Variants in STS observed in about 807,000 individuals in gnomAD.
The protein encoded by STS is steroid sulfatase, also known as steryl-sulfatase.
Under a neutral mutation model 26.8 loss-of-function variants are expected in STS, and 7 were observed. The ratio of observed to expected loss-of-function variants is 0.26; its 90% CI spans 0.15 to 0.49. The LOEUF (loss-of-function observed/expected upper bound fraction) is 0.49, where lower values mean the gene tolerates loss of function less well. Among genes scored for constraint, STS ranks in the 20% least tolerant of loss-of-function variants. STS has a pLI of 0.98. For missense variants in STS, 434 were observed against 465.6 expected (o/e 0.93, Z 0.63); for synonymous variants, 199 against 189.4 (o/e 1.05, Z -0.42).
chrX:7,278,851 A>C (rs1263721270), intron 7 of STS, among the ~76,000 whole-genome samples: 2 of 111,959 alleles, frequency 1.8e-5, no homozygotes, highest in African/African-American at 6.5e-5. Flanking sequence ...TTTTGGTCCC[A>C]TAAAGGTTGT....
intron 1 of STS, among the ~76,000 whole-genome samples, chrX:7,188,156 ATTGT>A (rs1302805308): frequency 1.8e-5 from 2 of 111,794 alleles, no homozygotes; most frequent in African/African-American, 6.5e-5. Context: ...ACTAGGTGCG[ATTGT>A]TTGAGTCAGC....
intron 7 of STS, 116 bp from the exon 8 acceptor site, chrX:7,304,930 T>C (rs1926140314): frequency 1.1e-6 from 1 of 893,863 alleles, no homozygotes; most frequent in African/African-American, 2.0e-5. Context: ...TAAACTCCAA[T>C]ATGTAAGAAC....
chrX:7,255,615 A>G (rs965076164), intron 3 of STS, among the ~76,000 whole-genome samples: 4 of 111,905 alleles, frequency 3.6e-5, no homozygotes, highest in Admixed American at 9.5e-5. Context: ...TTAGAGTCCC[A>G]TTATTTCTGA....
At chrX:7,215,042 C>CAT (rs1215029046) in intron 2 of STS, among the ~76,000 whole-genome samples, 4 of 80,435 alleles carry the variant, frequency 5.0e-5, no homozygotes, top group South Asian at 5.6e-4. Flanking sequence ...TATATATATA[C>CAT]ATATATATAC....
At chrX:7,333,043 A>G (rs1299531797) in intron 9 of STS, among the ~76,000 whole-genome samples, 2 of 112,033 alleles carry the variant, frequency 1.8e-5, no homozygotes, top group African/African-American at 6.5e-5. Context: ...GGGACATAGG[A>G]CCTCTTAAGC....
At chrX:7,197,737 C>T (rs761816780) in intron 2 of STS, among the ~76,000 whole-genome samples, 5 of 111,363 alleles carry the variant, frequency 4.5e-5, no homozygotes, top group African/African-American at 1.6e-4. Context: ...TTCCCTTAAC[C>T]GTAAACATCT....
At chrX:7,193,593 A>G (rs750260629) in intron 2 of STS, among the ~76,000 whole-genome samples, 9 of 111,598 alleles carry the variant, frequency 8.1e-5, no homozygotes, top group Non-Finnish European at 1.7e-4. Flanking sequence ...TTCATGATAA[A>G]CGAATACAGC....
At chrX:7,328,555 A>T (rs867356106) in intron 9 of STS, among the ~76,000 whole-genome samples, 14 of 87,204 alleles carry the variant, frequency 1.6e-4, no homozygotes, top group Admixed American at 2.6e-4. Context: ...TGCTGACCTC[A>T]TTTTTTTTTT....
At chrX:7,259,904 C>T in intron 6 of STS, 132 bp downstream of exon 6, 1 of 841,662 alleles carries the variant, frequency 1.2e-6, no homozygotes, top group South Asian at 2.2e-5. Flanking sequence ...GAGACAGAGT[C>T]TTGCTCTGTC....
At chrX:7,196,789 T>A (rs1933978791) in intron 2 of STS, among the ~76,000 whole-genome samples, 1 of 111,922 alleles carries the variant, frequency 8.9e-6, no homozygotes, top group Admixed American at 9.5e-5. Flanking sequence ...GTCATCTTCA[T>A]GTCTTAGGTA....
chrX:7,316,829 C>T (rs952538814), intron 8 of STS, among the ~76,000 whole-genome samples: 4 of 111,681 alleles, frequency 3.6e-5, no homozygotes, highest in East Asian at 2.8e-4. Flanking sequence ...AAACATTTCC[C>T]GTGAATTATC....
At chrX:7,215,021 TATTATATATGTATATATATAC>T (rs1921223909) in intron 2 of STS, among the ~76,000 whole-genome samples, 1 of 72,889 alleles carries the variant, frequency 1.4e-5, no homozygotes, top group Non-Finnish European at 2.7e-5. Context: ...TATATATATA[TATTATATATGTATATATATAC>T]ATATATATAC....
At chrX:7,171,997 C>T (rs932406603) in intron 1 of STS, among the ~76,000 whole-genome samples, 5 of 111,925 alleles carry the variant, frequency 4.5e-5, no homozygotes, top group Admixed American at 2.9e-4. Context: ...CCAAGTTGCG[C>T]GATCATCACC....
chrX:7,170,498 T>A (rs1267242152), intron 1 of STS, among the ~76,000 whole-genome samples: 1 of 111,086 alleles, frequency 9.0e-6, no homozygotes, highest in Non-Finnish European at 1.9e-5. Flanking sequence ...ATTGCAGTGG[T>A]GTGATCTCAG....
intron 1 of STS, among the ~76,000 whole-genome samples, chrX:7,185,992 G>A (rs1220837250): frequency 5.3e-5 from 6 of 112,226 alleles, no homozygotes; most frequent in East Asian, 2.8e-4. Flanking sequence ...GCACAAGATC[G>A]GACAACAAGG....
intron 8 of STS, among the ~76,000 whole-genome samples, chrX:7,307,184 A>G (rs1351118595): frequency 9.0e-6 from 1 of 111,563 alleles, no homozygotes; most frequent in East Asian, 2.8e-4. Flanking sequence ...TGCAGGACAC[A>G]TAATCAATAT....
intron 1 of STS, among the ~76,000 whole-genome samples, chrX:7,149,452 A>T (rs1474278967): frequency 1.8e-5 from 2 of 111,555 alleles, no homozygotes; most frequent in Non-Finnish European, 3.8e-5. Context: ...ATAGTCAATA[A>T]AATTATGTGT....
intron 6 of STS, among the ~76,000 whole-genome samples, chrX:7,263,412 A>G (rs142855415): frequency 8.9e-6 from 1 of 112,430 alleles, no homozygotes; most frequent in African/African-American, 3.2e-5. Context: ...TACCTTTTCT[A>G]TGTGTACATA....
intron 1 of STS, among the ~76,000 whole-genome samples, chrX:7,177,653 C>G (rs1472042299): frequency 1.8e-5 from 2 of 108,239 alleles, no homozygotes; most frequent in African/African-American, 6.7e-5. Flanking sequence ...GGTGGAATTA[C>G]AAGCACATGC....
Sources: gnomAD v4.1 joint callset for allele counts (sites outside exome capture counted in the v4.1 genomes callset) on GRCh38, gnomAD v4.1.1 for gene constraint, MANE v1.5 for transcripts, NCBI Gene and HGNC (gene_info 2026-07-23, HGNC 2026-07-21) for gene names.